Variants in MSLN observed in about 807,000 individuals in gnomAD.
MSLN encodes CAK1 antigen.
A neutral mutation model predicts 72.6 loss-of-function variants in MSLN; 82 were observed. That is an observed-to-expected ratio of 1.13 (90% CI 0.94 to 1.36). MSLN has a LOEUF of 1.36. MSLN is among the 40% of genes most tolerant of loss of function. The pLI is 0.00. For missense variants in MSLN, 1,005 were observed against 847.9 expected, an observed-to-expected ratio of 1.19 and a Z score of -2.30; for synonymous variants, 456 against 387.3, an observed-to-expected ratio of 1.18 and a Z score of -2.08.
In MSLN at chr16:765,159, G is replaced by GC. The variant is rs1567357156; in HGVS notation, c.562dup (p.Leu188ProfsTer98). On this transcript the variant is annotated frameshift_variant, in exon 9 of 18. Coordinates refer to ENST00000545450, the MANE Select transcript of MSLN (RefSeq NM_005823.6). LOFTEE classifies it high-confidence loss of function. ...GAGGCTGATGTGCGGGCTCTGGGAG[G>GC]CCTGGCTTGCGACCTGCCTGGGCGC... 1.2e-6 allele frequency: 2 copies of GC among 1,602,574 alleles called. No homozygotes were observed. Among genetic ancestry groups the GC allele is most frequent in the Admixed American group, 1.7e-5 (1 of 59,760 alleles).
rs1182879137 is a variant in MSLN, at chr16:762,156, A to G, written c.-9-516A>G. The stretch of plus-strand genomic sequence containing the variant: ...CCCAAAAAGACGCTGCTGGGTGGGA[A>G]GGGGCGGTGGCCTCTGTGCCCGCAG... On this transcript the variant is annotated intron_variant, in intron 2 of 17. Transcript: ENST00000545450. Among the ~76,000 whole-genome samples the G allele has an allele frequency of 5.9e-5, 9 of 152,306 alleles. No individual in the cohort carries two copies. The South Asian group carries it at 8.3e-4, about 14-fold the overall frequency.
At position 764,012 on chromosome 16, in the gene MSLN, C is replaced by A; in HGVS notation, c.180-11C>A. ...GGCGATCGTGGGTGCCCAGCCCGAC[C>A]CTTCCTGCAGCCTCTCCCCTCGCCA... On this transcript the variant is annotated splice_polypyrimidine_tract_variant and intron_variant, in intron 5 of 17. Coordinates refer to ENST00000545450, the MANE Select transcript of MSLN (RefSeq NM_005823.6). The A allele has an allele frequency of 6.3e-7, 1 of 1,597,884 alleles. No individual in the cohort carries two copies. The highest frequency in any genetic ancestry group is 8.5e-7 in the Non-Finnish European group (1 of 1,179,080).
chr16:767,062 C>G, intron 15 of MSLN, 50 bp downstream of exon 15: 1 of 1,609,848 alleles, frequency 6.2e-7, no homozygotes, highest in Non-Finnish European at 8.5e-7. Flanking sequence ...GGGGGAAGCA[C>G]AGACTCCACT....
At chr16:764,546 G>A (rs942564211) in intron 6 of MSLN, 101 bp from the exon 7 acceptor site, 4 of 1,000,882 alleles carry the variant, frequency 4.0e-6, no homozygotes, top group African/African-American at 3.2e-5. Context: ...CTCGTGGCCA[G>A]GGCAGGGGTG....
In MSLN at chr16:766,399, G is replaced by C. The variant is rs140819126; in HGVS notation, c.1139G>C (p.Ser380Thr). 1.2e-6 allele frequency: 2 copies of C among 1,612,696 alleles called. No individual in the cohort carries two copies. Among genetic ancestry groups the C allele is most frequent in the South Asian group, 2.2e-5 (2 of 91,084 alleles). Residue 380 changes from serine to threonine, a missense_variant, in exon 13 of 18, where the codon AGC becomes ACC. Physicochemically the swap from Ser to Thr is moderately conservative, Grantham distance 58. Coordinates refer to ENST00000545450, the MANE Select transcript of MSLN (RefSeq NM_005823.6). Reference protein sequence around the residue: ...QHLGYLFLKMSPEDIRKWNVT... With the variant: ...QHLGYLFLKMTPEDIRKWNVT... ...CTGGGCTACCTCTTCCTCAAGATGA[G>C]CCCTGAGGACATTCGCAAGTGGAAT...
intron 6 of MSLN, 30 bp from the exon 7 acceptor site, chr16:764,617 C>T (rs185271191): frequency 0.012 from 19,910 of 1,598,954 alleles, 166 homozygotes; most frequent in Admixed American, 0.015. Flanking sequence ...CGGCTCGAAA[C>T]GCTCTGTGCT....
chr16:761,637 G>A (rs1314190671), intron 2 of MSLN, among the ~76,000 whole-genome samples: 1 of 151,048 alleles, frequency 6.6e-6, no homozygotes, highest in East Asian at 2.0e-4. Context: ...TGTGGGGGGG[G>A]TCTGTTTTCT....
chr16:767,213 G>A (rs3765323), intron 15 of MSLN, among the ~76,000 whole-genome samples, 163 bp from the exon 16 acceptor site: 39,430 of 151,736 alleles, frequency 0.26, 5,465 homozygotes, highest in African/African-American at 0.36. Context: ...CCACCTCCAG[G>A]GTCTCCCACG....
chr16:762,781 G>T lies in MSLN; in HGVS notation c.85+16G>T. ...TTCAGCCTCGGTGCGTACTTGATGGGGCTGCTGGTGAGGTGGGGACGGCCC... is the reference window on the plus strand; with the variant it reads ...TTCAGCCTCGGTGCGTACTTGATGGTGCTGCTGGTGAGGTGGGGACGGCCC... On this transcript the variant is annotated intron_variant, in intron 3 of 17. Transcript: ENST00000545450. 1 of 1,557,200 alleles carries T rather than the reference G, an allele frequency of 6.4e-7. No homozygotes were observed. Among genetic ancestry groups the T allele is most frequent in the Non-Finnish European group, 8.7e-7 (1 of 1,155,852 alleles).
At position 766,673 on chromosome 16, in the gene MSLN, C is replaced by T. The variant is rs749284369; in HGVS notation, c.1236C>T (p.Ala412=). The T allele has an allele frequency of 6.2e-7, 1 of 1,612,476 alleles. No individual in the cohort carries two copies. The highest frequency in any genetic ancestry group is 8.5e-7 in the Non-Finnish European group (1 of 1,179,860). ...CTCGGCGGCCCCTCCCACAGGTGGC[C>T]ACCCTGATCGACCGCTTTGTGAAGG... is the stretch of plus-strand genomic sequence containing the variant. ...NKGHEMSPQV[A]TLIDRFVKGR... The change falls in exon 14 of 18, where the codon GCC becomes GCT. Residue 412 remains alanine, a synonymous_variant. Coordinates refer to ENST00000545450, the MANE Select transcript of MSLN (RefSeq NM_005823.6).
chr16:768,758 AGCCCTGCTGGGGATCCCC>A lies in MSLN; in HGVS notation c.*29_*46del. ...AGGGCCCCACTCCCTTGCTGGCCCC[AGCCCTGCTGGGGATCCCC>A]GCCTGGCCAGGAGCAGGCACGGGTG... On this transcript the variant is annotated 3_prime_UTR_variant, in exon 18 of 18. Coordinates refer to ENST00000545450, the MANE Select transcript of MSLN (RefSeq NM_005823.6). The A allele has an allele frequency of 1.2e-6, 2 of 1,606,750 alleles. No homozygotes were observed. The highest frequency in any genetic ancestry group is 1.7e-6 in the Non-Finnish European group (2 of 1,177,502).
chr16:762,492 A>T (rs1596688522), intron 2 of MSLN, 180 bp from the exon 3 acceptor site: 2 of 587,500 alleles, frequency 3.4e-6, no homozygotes, highest in African/African-American at 1.9e-5. Flanking sequence ...AGGAGGAGCC[A>T]GTCCAGGGGA....
chr16:766,790 C>T lies in MSLN; in HGVS notation c.1353C>T (p.Ser451=), dbSNP rs368019459. The stretch of plus-strand genomic sequence containing the variant: ...CCCTCAGCCCCGAGGAGCTGAGCTC[C>T]GTGCCCCCCAGCAGCATCTGGTGAG... ...LCSLSPEELS[S]VPPSSIWAVR... The change falls in exon 14 of 18, where the codon TCC becomes TCT. Residue 451 remains serine (S), a synonymous_variant. Transcript: ENST00000545450. 252 of 1,612,566 alleles carry T rather than the reference C, an allele frequency of 1.6e-4. 4 individuals are homozygous for T. The highest frequency in any genetic ancestry group is 8.3e-4 in the Middle Eastern group (5 of 6,060).
At position 762,353 on chromosome 16, in the gene MSLN, C is replaced by T. The variant is rs376931092; in HGVS notation, c.-9-319C>T. Among the ~76,000 whole-genome samples, 114 of 152,316 alleles carry T rather than the reference C, an allele frequency of 7.5e-4. 1 individual carries two copies. The South Asian group carries it at 0.012, about 16-fold the overall frequency. On this transcript the variant is annotated intron_variant, in intron 2 of 17. Coordinates refer to ENST00000545450, the MANE Select transcript of MSLN (RefSeq NM_005823.6). ...GACTCAGGCCAGCCCAAGTGGGCGG[C>T]GGCCCCGGTTGCTTGATCTAAGCTC...
At chr16:764,750 C>G in intron 7 of MSLN, 24 bp downstream of exon 7, 1 of 1,457,086 alleles carries the variant, frequency 6.9e-7, no homozygotes, top group Non-Finnish European at 9.1e-7. Context: ...CCTGAACCCA[C>G]CCCCCCGGCT....
At position 766,722 on chromosome 16, in the gene MSLN, A is replaced by G. The variant is rs917524062; in HGVS notation, c.1285A>G (p.Thr429Ala). The change falls in exon 14 of 18, where the codon ACC becomes GCC. Residue 429 changes from threonine to alanine, a missense_variant. Transcript: ENST00000545450. ...VKGRGQLDKD[T>A]LDTLTAFYPG... ...GGGAAGGGGCCAGCTAGACAAAGAC[A>G]CCCTAGACACCCTGACCGCCTTCTA... is the stretch of plus-strand genomic sequence containing the variant. 6 of 1,612,334 alleles carry G rather than the reference A, an allele frequency of 3.7e-6. No homozygotes were observed. The highest frequency in any genetic ancestry group is 5.1e-6 in the Non-Finnish European group (6 of 1,179,822).
In MSLN at chr16:766,888, G is replaced by A. The variant is rs1049707133; in HGVS notation, c.1377G>A (p.Ala459=). 11 of 1,612,524 alleles carry A rather than the reference G, an allele frequency of 6.8e-6. No homozygotes were observed. Among genetic ancestry groups the A allele is most frequent in the Non-Finnish European group, 9.3e-6 (11 of 1,179,862 alleles). ...LSSVPPSSIW[A]VRPQDLDTCD... ...TGTCCACCCACCGTGTCCCCAGGGC[G>A]GTCAGGCCCCAGGACCTGGACACGT... The change falls in exon 15 of 18, where the codon GCG becomes GCA. Residue 459 remains alanine, a synonymous_variant. Coordinates refer to ENST00000545450, the MANE Select transcript of MSLN (RefSeq NM_005823.6).
chr16:763,086 T>G, intron 3 of MSLN, 147 bp from the exon 4 acceptor site: 1 of 614,850 alleles, frequency 1.6e-6, no homozygotes, highest in South Asian at 2.0e-5. Flanking sequence ...TGTCACGGGG[T>G]ACATGGGCCT....
chr16:763,968 G>A (rs1596690378), intron 5 of MSLN, 55 bp from the exon 6 acceptor site: 1 of 1,586,580 alleles, frequency 6.3e-7, no homozygotes, highest in Non-Finnish European at 8.5e-7. Flanking sequence ...GGAGCACTGG[G>A]TGGACATTGC....
Sources: gnomAD v4.1 joint callset for allele counts (sites outside exome capture counted in the v4.1 genomes callset) on GRCh38, gnomAD v4.1.1 for gene constraint, MANE v1.5 for transcripts, NCBI Gene and HGNC (gene_info 2026-07-23, HGNC 2026-07-21) for gene names.